The following RPL11 variants were observed in gnomAD, a reference collection of about 807,000 sequenced individuals.
RPL11 encodes ribosomal protein L11.
Under a neutral mutation model 24.1 loss-of-function variants are expected in RPL11, and 3 were observed. The ratio of observed to expected loss-of-function variants is 0.12; its 90% CI spans 0.06 to 0.32. The LOEUF (loss-of-function observed/expected upper bound fraction) is 0.32. RPL11 is among the 10% of genes least tolerant of loss of function. RPL11 has a pLI of 1.00. For missense variants in RPL11, 146 were observed against 225.7 expected (o/e 0.65, Z 2.26); for synonymous variants, 96 against 75.7 (o/e 1.27, Z -1.39).
At chr1:23,694,916 C>T (rs1644524166) in intron 4 of RPL11, 125 bp downstream of exon 4, 1 of 1,464,616 alleles carries the variant, frequency 6.8e-7, no homozygotes, top group Non-Finnish European at 9.5e-7. Context: ...TTTGTGTTCT[C>T]CTCCCCCTTG....
At chr1:23,691,876 C>T (rs759257827) in intron 1 of RPL11, 47 bp downstream of exon 1, 9 of 1,613,900 alleles carry the variant, frequency 5.6e-6, no homozygotes, top group Non-Finnish European at 7.6e-6. Flanking sequence ...CGTCGCCATC[C>T]ATGGCAGGCC....
rs1644509247 is a variant in RPL11, at chr1:23,692,761, T to C, written c.157+2T>C. Reference sequence around the variant, plus strand: ...GGCAGACCCCTGTGTTTTCCAAAGGTGAGTAGTCACAAGGACATACAGGGT... The same window carrying C: ...GGCAGACCCCTGTGTTTTCCAAAGGCGAGTAGTCACAAGGACATACAGGGT... On this transcript the variant is annotated splice_donor_variant, in intron 2 of 5. Transcript: ENST00000643754. LOFTEE classifies it high-confidence loss of function. 6.2e-7 allele frequency: 1 copy of C among 1,613,270 alleles called. No individual in the cohort carries two copies. The highest frequency in any genetic ancestry group is 1.1e-5 in the South Asian group (1 of 91,046).
intron 1 of RPL11, chr1:23,692,233 G>A (rs932767717): frequency 9.4e-6 from 4 of 425,700 alleles, no homozygotes; most frequent in Non-Finnish European, 1.7e-5. Flanking sequence ...ATAGGATGCT[G>A]GACGTCGCAT....
intron 2 of RPL11, among the ~76,000 whole-genome samples, 158 bp from the exon 3 acceptor site, chr1:23,693,649 T>C (rs1212713617): frequency 6.6e-6 from 1 of 152,192 alleles, no homozygotes; most frequent in Non-Finnish European, 1.5e-5. Flanking sequence ...TGAAATCTTA[T>C]TAATAGATGT....
chr1:23,694,932 A>G (rs1014114291), intron 4 of RPL11, 141 bp downstream of exon 4: 3 of 1,330,990 alleles, frequency 2.3e-6, no homozygotes, highest in Admixed American at 1.8e-5. Context: ...CCTTGGGGAA[A>G]TGTGCCTCAT....
At chr1:23,695,567 G>A in intron 4 of RPL11, 1 of 559,792 alleles carries the variant, frequency 1.8e-6, no homozygotes, top group Non-Finnish European at 3.2e-6. Context: ...TGGAAAATAG[G>A]CTGGGTTAGG....
At chr1:23,692,427 G>A in intron 1 of RPL11, 182 bp from the exon 2 acceptor site, 1 of 675,296 alleles carries the variant, frequency 1.5e-6, no homozygotes, top group Non-Finnish European at 2.5e-6. Flanking sequence ...GTTCGTGGAG[G>A]AAGGATAGGT....
Position 23,696,377 on chromosome 1 carries a change from C to A in RPL11, c.*4C>A. On this transcript the variant is annotated 3_prime_UTR_variant, in exon 6 of 6. Transcript: ENST00000643754. ...GATCATCCTTCCTGGCAAATAAATT[C>A]CCGTTTCTATCCAAAAGAGCAATAA... 1 of 1,613,660 alleles carries A rather than the reference C, an allele frequency of 6.2e-7. No individual in the cohort carries two copies. Among genetic ancestry groups the A allele is most frequent in the Non-Finnish European group, 8.5e-7 (1 of 1,179,604 alleles).
At chr1:23,694,469 C>A (rs1644521215) in intron 3 of RPL11, among the ~76,000 whole-genome samples, 191 bp from the exon 4 acceptor site, 2 of 151,880 alleles carry the variant, frequency 1.3e-5, no homozygotes. Context: ...TGGGAGAGGT[C>A]ATACTGGGTA....
Position 23,696,580 on chromosome 1 carries a change from AT to A in RPL11, c.*209del. The stretch of plus-strand genomic sequence containing the variant: ...CAGATCCAAGTCCAAGCTTCATAGC[AT>A]TCATTGCCTGTGCTTGCCACACCTT... On this transcript the variant is annotated 3_prime_UTR_variant, in exon 6 of 6. Coordinates refer to ENST00000643754, the MANE Select transcript of RPL11 (RefSeq NM_000975.5). 1.6e-6 allele frequency: 1 copy of A among 630,814 alleles called. No individual in the cohort carries two copies. The allele number at this position is 630,814 out of a possible 1,614,324, so 39.1% of individuals were successfully genotyped here.
Position 23,696,578 on chromosome 1 carries a change from G to A in RPL11, c.*205G>A. 2 of 634,654 alleles carry A rather than the reference G, an allele frequency of 3.2e-6. No homozygotes were observed. Among genetic ancestry groups the A allele is most frequent in the Non-Finnish European group, 5.7e-6 (2 of 352,978 alleles). The allele number at this position is 634,654 out of a possible 1,614,324, so 39.3% of individuals were successfully genotyped here. ...GGCAGATCCAAGTCCAAGCTTCATA[G>A]CATTCATTGCCTGTGCTTGCCACAC... On this transcript the variant is annotated 3_prime_UTR_variant, in exon 6 of 6. Coordinates refer to ENST00000643754, the MANE Select transcript of RPL11 (RefSeq NM_000975.5).
chr1:23,692,394 T>A (rs1644506181), intron 1 of RPL11: 1 of 574,666 alleles, frequency 1.7e-6, no homozygotes, highest in South Asian at 2.0e-5. Flanking sequence ...ATAACTGTCC[T>A]GAGTTTTCTC....
At chr1:23,694,501 C>G (rs904467436) in intron 3 of RPL11, among the ~76,000 whole-genome samples, 159 bp from the exon 4 acceptor site, 2 of 151,880 alleles carry the variant, frequency 1.3e-5, no homozygotes, top group African/African-American at 2.4e-5. Context: ...AATCTATAGT[C>G]GAGGTATAGT....
intron 4 of RPL11, chr1:23,695,146 G>A (rs1644525848): frequency 2.7e-6 from 1 of 372,354 alleles, no homozygotes; most frequent in Non-Finnish European, 5.2e-6. Flanking sequence ...CTGCACTGAG[G>A]CTGTTCTCCC....
chr1:23,692,188 C>G (rs1340735088), intron 1 of RPL11: 3 of 468,474 alleles, frequency 6.4e-6, no homozygotes, highest in African/African-American at 2.0e-5. Context: ...GGTTGCTCCG[C>G]TTAGGGAAGG....
chr1:23,695,033 C>T (rs1381504442), intron 4 of RPL11: 1 of 570,524 alleles, frequency 1.8e-6, no homozygotes, highest in Non-Finnish European at 3.1e-6. Context: ...AAAGCACCCA[C>T]ATGGCTTAAA....
chr1:23,695,153 T>TC (rs891886162), intron 4 of RPL11: 3 of 363,572 alleles, frequency 8.3e-6, no homozygotes, highest in Non-Finnish European at 1.1e-5. Context: ...GAGGCTGTTC[T>TC]CCCCCTGGTT....
At chr1:23,695,643 G>C in intron 4 of RPL11, 155 bp from the exon 5 acceptor site, 2 of 732,212 alleles carry the variant, frequency 2.7e-6, no homozygotes, top group Non-Finnish European at 4.8e-6. Context: ...GTGGGATGCT[G>C]GTGGCAGCTT....
Position 23,696,352 on chromosome 1 carries a change from G to A in RPL11, c.516G>A (p.Gly172=). 1 of 1,614,064 alleles carries A rather than the reference G, an allele frequency of 6.2e-7. No homozygotes were observed. The stretch of plus-strand genomic sequence containing the variant: ...AATCTCTTCTCTTTCAGTATGATGG[G>A]ATCATCCTTCCTGGCAAATAAATTC... The part of the protein sequence containing the change: ...AMRWFQQKYD[G]IILPGK The change falls in exon 6 of 6, where the codon GGG becomes GGA. Residue 172 remains glycine, a synonymous_variant. Transcript: ENST00000643754.
Sources: allele counts gnomAD v4.1 joint callset (sites outside exome capture counted in the v4.1 genomes callset), GRCh38; gene constraint gnomAD v4.1.1; transcripts MANE v1.5; gene names NCBI Gene and HGNC (gene_info 2026-07-23, HGNC 2026-07-21).